The following CTNND2 variants were observed in gnomAD, a reference collection of about 807,000 sequenced individuals.
The protein encoded by CTNND2 is catenin delta 2, also known as catenin delta-2.
CTNND2 carries 22 observed loss-of-function variants against 144.4 expected under a neutral mutation model. The observed-to-expected ratio is 0.15, with a 90% CI of 0.11 to 0.22. The LOEUF is 0.22. CTNND2 is among the 10% of genes least tolerant of loss of function. The pLI is 1.00. For synonymous variants in CTNND2, 751 were observed against 695.6 expected (o/e 1.08, Z -1.25); for missense variants, 1,353 against 1,618.8 (o/e 0.84, Z 2.82).
At chr5:11,323,033 A>G (rs1228548914) in intron 9 of CTNND2, among the ~76,000 whole-genome samples, 1 of 152,064 alleles carries the variant, frequency 6.6e-6, no homozygotes, top group Non-Finnish European at 1.5e-5. Flanking sequence ...TTTACCACAC[A>G]TTTGTTTGTT....
intron 3 of CTNND2, among the ~76,000 whole-genome samples, chr5:11,557,573 G>T (rs1005126249): frequency 1.3e-5 from 2 of 152,002 alleles, no homozygotes; most frequent in African/African-American, 4.8e-5. Flanking sequence ...GCTTCGAATT[G>T]AATTTTCTGA....
chr5:11,563,117 A>T (rs573166370), intron 3 of CTNND2, among the ~76,000 whole-genome samples: 1 of 152,330 alleles, frequency 6.6e-6, no homozygotes, highest in South Asian at 2.1e-4. Context: ...GTCCATTTAC[A>T]ATACAACCAG....
At chr5:11,475,923 A>G (rs1359256744) in intron 3 of CTNND2, among the ~76,000 whole-genome samples, 1 of 151,980 alleles carries the variant, frequency 6.6e-6, no homozygotes, top group Non-Finnish European at 1.5e-5. Flanking sequence ...ATGTGGCCCC[A>G]TCATGGCTCA....
chr5:11,300,896 T>C (rs1264030232), intron 9 of CTNND2, among the ~76,000 whole-genome samples: 2 of 152,178 alleles, frequency 1.3e-5, no homozygotes, highest in African/African-American at 4.8e-5. Context: ...CAGCACAACC[T>C]TCTCCTGGGA....
Position 11,131,614 on chromosome 5 carries a change from C to T in CTNND2, c.2160-14047G>A, listed in dbSNP as rs183814576. ...CATCCTGGCTAACATGGTGAAATCC[C>T]GTCTCTACTAAAAAAATAAAAAAAA... is the stretch of plus-strand genomic sequence containing the variant. On this transcript the variant is annotated intron_variant, in intron 12 of 21. Coordinates refer to ENST00000304623, the MANE Select transcript of CTNND2 (RefSeq NM_001332.4). Among the ~76,000 whole-genome samples the T allele has an allele frequency of 2.6e-5, 4 of 152,190 alleles. No individual in the cohort carries two copies. The East Asian group carries it at 7.7e-4, about 29-fold the overall frequency.
At chr5:11,522,759 A>G (rs1272632888) in intron 3 of CTNND2, among the ~76,000 whole-genome samples, 1 of 152,212 alleles carries the variant, frequency 6.6e-6, no homozygotes, top group Non-Finnish European at 1.5e-5. Context: ...ACTCAGGACC[A>G]ATTAAGCCAA....
intron 3 of CTNND2, among the ~76,000 whole-genome samples, chr5:11,460,311 G>A (rs1265974784): frequency 6.6e-6 from 1 of 152,160 alleles, no homozygotes; most frequent in African/African-American, 2.4e-5. Context: ...CCCTATGAGA[G>A]AAAGCCAATG....
chr5:11,347,057 T>C (rs949640554), intron 8 of CTNND2, among the ~76,000 whole-genome samples: 3 of 152,278 alleles, frequency 2.0e-5, no homozygotes, highest in Non-Finnish European at 2.9e-5. Flanking sequence ...AATTCAGTAA[T>C]GTAATTAGTA....
chr5:11,275,179 G>T (rs1259369581), intron 9 of CTNND2, among the ~76,000 whole-genome samples: 1 of 152,170 alleles, frequency 6.6e-6, no homozygotes, highest in Non-Finnish European at 1.5e-5. Flanking sequence ...CTCACACAAT[G>T]CTATGGGGTA....
At chr5:11,730,965 C>A (rs769625657) in intron 2 of CTNND2, among the ~76,000 whole-genome samples, 1 of 152,116 alleles carries the variant, frequency 6.6e-6, no homozygotes, top group Non-Finnish European at 1.5e-5. Flanking sequence ...TGGTATTAAC[C>A]CCCTTGGTGG....
At chr5:11,093,341 C>G (rs1160927962) in intron 15 of CTNND2, among the ~76,000 whole-genome samples, 2 of 151,646 alleles carry the variant, frequency 1.3e-5, no homozygotes, top group Non-Finnish European at 2.9e-5. Flanking sequence ...AGCACTATAC[C>G]CAATTGTTTT....
At chr5:11,819,293 G>T (rs1793186731) in intron 1 of CTNND2, among the ~76,000 whole-genome samples, 1 of 152,006 alleles carries the variant, frequency 6.6e-6, no homozygotes, top group African/African-American at 2.4e-5. Flanking sequence ...ACTTAGCCAG[G>T]AGTGGTGGCG....
At chr5:11,027,036 A>G (rs1742915461) in intron 16 of CTNND2, among the ~76,000 whole-genome samples, 2 of 152,210 alleles carry the variant, frequency 1.3e-5, no homozygotes, top group South Asian at 4.1e-4. Flanking sequence ...TATATGAGAG[A>G]ATCACGTACC....
chr5:11,098,398 A>G lies in CTNND2; in HGVS notation c.2637+177T>C, dbSNP rs535792581. The stretch of plus-strand genomic sequence containing the variant: ...GATCTTCAAGGACTCCTGAGCCTTT[A>G]AGATCAATTTTTAAAAGGAATACAT... On this transcript the variant is annotated intron_variant, in intron 15 of 21. Coordinates refer to ENST00000304623, the MANE Select transcript of CTNND2 (RefSeq NM_001332.4). Among the ~76,000 whole-genome samples, 45 of 152,356 alleles carry G rather than the reference A, an allele frequency of 3.0e-4. No individual in the cohort carries two copies. The South Asian group carries it at 8.9e-3, about 30-fold the overall frequency.
intron 18 of CTNND2, among the ~76,000 whole-genome samples, chr5:10,994,888 T>TG (rs1739176622): frequency 6.6e-6 from 1 of 152,004 alleles, no homozygotes; most frequent in Non-Finnish European, 1.5e-5. Context: ...GTATCCACAC[T>TG]GGAGGGTTTG....
At chr5:11,118,688 C>T (rs906892646) in intron 12 of CTNND2, among the ~76,000 whole-genome samples, 59 of 152,264 alleles carry the variant, frequency 3.9e-4, no homozygotes, top group Admixed American at 3.8e-3. Flanking sequence ...AGGCAGATCC[C>T]AAGGATCAGT....
chr5:11,017,028 C>T (rs972902655), intron 18 of CTNND2, among the ~76,000 whole-genome samples: 1 of 152,014 alleles, frequency 6.6e-6, no homozygotes, highest in Non-Finnish European at 1.5e-5. Context: ...CTGCCTACCT[C>T]AGCCTCCCAA....
At chr5:11,784,785 C>A (rs1471669855) in intron 1 of CTNND2, among the ~76,000 whole-genome samples, 1 of 152,192 alleles carries the variant, frequency 6.6e-6, no homozygotes, top group Admixed American at 6.5e-5. Flanking sequence ...TCTGAGATAG[C>A]ACTGATGTAA....
intron 1 of CTNND2, among the ~76,000 whole-genome samples, chr5:11,761,882 G>A (rs1015984708): frequency 1.3e-5 from 2 of 152,062 alleles, no homozygotes; most frequent in African/African-American, 4.8e-5. Context: ...CATAGTTAAC[G>A]CAATGGGCAA....
Sources: gnomAD v4.1 joint callset for allele counts (sites outside exome capture counted in the v4.1 genomes callset) on GRCh38, gnomAD v4.1.1 for gene constraint, MANE v1.5 for transcripts, NCBI Gene and HGNC (gene_info 2026-07-23, HGNC 2026-07-21) for gene names.